ROPN1: variants seen among roughly 807,000 people sequenced by gnomAD.
ROPN1 encodes the protein ropporin-1A.
In ROPN1, 14 loss-of-function variants were observed where a neutral mutation model predicts 20.5. That is an observed-to-expected ratio of 0.68 (90% CI 0.45 to 1.07). The LOEUF (loss-of-function observed/expected upper bound fraction) is 1.07. ROPN1 is among the 50% of genes least tolerant of loss of function. ROPN1 has a pLI of 0.00. For synonymous variants in ROPN1, 76 were observed against 95.7 expected (o/e 0.79, Z 1.20); for missense variants, 169 against 242.8 (o/e 0.70, Z 2.02).
chr3:123,977,045 C>A, intron 2 of ROPN1, 64 bp from the exon 3 acceptor site: 5 of 1,483,676 alleles, frequency 3.4e-6, no homozygotes, highest in African/African-American at 1.4e-5. Context: ...GCTGTTCTAG[C>A]AATCCTTCCA....
intron 2 of ROPN1, chr3:123,978,869 G>A (rs1368729953): frequency 2.6e-5 from 4 of 153,560 alleles, no homozygotes; most frequent in South Asian, 4.2e-4. Flanking sequence ...ATTATAGCAC[G>A]TGATACAATA....
intron 2 of ROPN1, chr3:123,979,904 C>T (rs1033442936): frequency 4.5e-5 from 16 of 354,720 alleles, no homozygotes; most frequent in Non-Finnish European, 6.3e-5. Flanking sequence ...ACTAGCAGGA[C>T]TGGTCCCACC....
intron 1 of ROPN1, among the ~76,000 whole-genome samples, chr3:123,983,585 T>C (rs1386949917): frequency 6.6e-6 from 1 of 152,238 alleles, no homozygotes; most frequent in African/African-American, 2.4e-5. Context: ...ACAATTGGTC[T>C]GCAAGCTCTT....
chr3:123,983,686 TTTCTC>T (rs2038196951), intron 1 of ROPN1, among the ~76,000 whole-genome samples: 1 of 152,224 alleles, frequency 6.6e-6, no homozygotes, highest in Non-Finnish European at 1.5e-5. Flanking sequence ...GCAGTTTTTT[TTTCTC>T]TTCTCATCAT....
At chr3:123,970,270 T>A in intron 4 of ROPN1, 53 bp from the exon 5 acceptor site, 1 of 1,527,284 alleles carries the variant, frequency 6.5e-7, no homozygotes, top group Non-Finnish European at 9.0e-7. Context: ...GCAATATTCC[T>A]GAGATCGGTT....
In ROPN1 at chr3:123,970,041, C is replaced by T. The variant is rs770749257; in HGVS notation, c.572+1G>A. 1.9e-5 allele frequency: 31 copies of T among 1,611,064 alleles called. 1 individual carries two copies. In the South Asian group the frequency reaches 2.5e-4, roughly 13 times the overall value. ...CCTCCACTTGACAAAAGTTAACTTACACTTCCTGTTCCATGTAGTTTAGCA... is the reference window on the plus strand; with the variant it reads ...CCTCCACTTGACAAAAGTTAACTTATACTTCCTGTTCCATGTAGTTTAGCA... On this transcript the variant is annotated splice_donor_variant, in intron 5 of 5. Coordinates refer to ENST00000405845, the MANE Select transcript of ROPN1 (RefSeq NM_001317774.2). LOFTEE classifies it high-confidence loss of function.
intron 1 of ROPN1, among the ~76,000 whole-genome samples, chr3:123,987,934 C>T (rs1443959707): frequency 6.6e-6 from 1 of 152,182 alleles, no homozygotes; most frequent in Non-Finnish European, 1.5e-5. Context: ...TGTTCATTCG[C>T]ATCATCATCC....
chr3:123,988,839 G>C (rs1314021497), intron 1 of ROPN1, among the ~76,000 whole-genome samples: 2 of 151,958 alleles, frequency 1.3e-5, no homozygotes, highest in African/African-American at 2.4e-5. Flanking sequence ...GTGGAAGAGA[G>C]TGACAGGAAA....
At chr3:123,973,843 G>A (rs138339969) in intron 4 of ROPN1, among the ~76,000 whole-genome samples, 72 of 152,288 alleles carry the variant, frequency 4.7e-4, no homozygotes, top group African/African-American at 1.7e-3. Flanking sequence ...CGGGAGAGAC[G>A]AGACCAAAAA....
At position 123,970,068 on chromosome 3, in the gene ROPN1, C is replaced by T; in HGVS notation, c.546G>A (p.Arg182=). The change falls in exon 5 of 6, where the codon AGG becomes AGA. Residue 182 remains arginine (R), a synonymous_variant. Coordinates refer to ENST00000405845, the MANE Select transcript of ROPN1 (RefSeq NM_001317774.2). ...CTTCCTGTTCCATGTAGTTTAGCAT[C>T]CTGCTGACATGTGATGCAGAGATCT... ...DGEISASHVS[R]MLNYMEQEVI... 1.2e-6 allele frequency: 2 copies of T among 1,614,104 alleles called. No homozygotes were observed. The highest frequency in any genetic ancestry group is 1.7e-6 in the Non-Finnish European group (2 of 1,180,000).
At chr3:123,969,479 G>A (rs1471979641) in intron 5 of ROPN1, among the ~76,000 whole-genome samples, 2 of 152,054 alleles carry the variant, frequency 1.3e-5, no homozygotes, top group East Asian at 1.9e-4. Flanking sequence ...ATACCACCAC[G>A]CCTAGCTAAT....
intron 1 of ROPN1, among the ~76,000 whole-genome samples, chr3:123,986,354 A>G (rs549853228): frequency 7.2e-5 from 11 of 152,282 alleles, no homozygotes; most frequent in Admixed American, 2.0e-4. Flanking sequence ...TCAGGGACAT[A>G]CAAAAGTTCC....
chr3:123,978,596 T>C (rs1932955043), intron 2 of ROPN1: 2 of 153,918 alleles, frequency 1.3e-5, no homozygotes, highest in South Asian at 4.1e-4. Flanking sequence ...GTATATGTCC[T>C]GCCGATGCCT....
intron 2 of ROPN1, among the ~76,000 whole-genome samples, chr3:123,977,488 T>C (rs987437503): frequency 7.2e-5 from 11 of 152,076 alleles, no homozygotes; most frequent in African/African-American, 2.7e-4. Flanking sequence ...TGCAGTGAAC[T>C]ATAATTGTGC....
At chr3:123,971,252 G>A (rs1044175274) in intron 4 of ROPN1, among the ~76,000 whole-genome samples, 28 of 152,320 alleles carry the variant, frequency 1.8e-4, no homozygotes, top group East Asian at 1.5e-3. Flanking sequence ...TAACTGTGGT[G>A]TGTGTTACCC....
rs570547983 is a variant in ROPN1, at chr3:123,969,332, C to CT, written c.573-112dup. The CT allele has an allele frequency of 6.1e-5, 59 of 969,242 alleles. 2 individuals are homozygous for CT. The South Asian group carries it at 7.3e-4, about 12-fold the overall frequency. 60.0% of individuals were successfully genotyped at this position (969,242 alleles called of 1,614,324 possible). ...TAATTCTGCTGTTGCTCCTTTTTCT[C>CT]TTTTTTTGTTTTGTTTTGTTTTCTG... On this transcript the variant is annotated intron_variant, in intron 5 of 5. Transcript: ENST00000405845.
intron 2 of ROPN1, chr3:123,979,122 A>G (rs1209626285): frequency 4.8e-6 from 1 of 210,258 alleles, no homozygotes; most frequent in Non-Finnish European, 9.7e-6. Context: ...AGGGCTCATT[A>G]CTAGGCAAAG....
intron 1 of ROPN1, among the ~76,000 whole-genome samples, chr3:123,990,651 G>C (rs1440662604): frequency 6.6e-6 from 1 of 152,190 alleles, no homozygotes; most frequent in Non-Finnish European, 1.5e-5. Flanking sequence ...CTAACATTTT[G>C]TAAAGTTATT....
chr3:123,978,734 A>G (rs2038074602), intron 2 of ROPN1: 1 of 152,596 alleles, frequency 6.6e-6, no homozygotes, highest in African/African-American at 2.4e-5. Context: ...GTTTTAAGTA[A>G]GTCACATACA....
Sources: allele counts gnomAD v4.1 joint callset (sites outside exome capture counted in the v4.1 genomes callset), GRCh38; gene constraint gnomAD v4.1.1; transcripts MANE v1.5; gene names NCBI Gene and HGNC (gene_info 2026-07-23, HGNC 2026-07-21).